The following MCTP2 variants were observed in gnomAD, a reference collection of about 807,000 sequenced individuals.
MCTP2 encodes the protein multiple C2 and transmembrane domain containing 2, also known as multiple C2 and transmembrane domain-containing protein 2.
MCTP2 carries 132 observed loss-of-function variants against 111.6 expected under a neutral mutation model. That is an observed-to-expected ratio of 1.18 (90% confidence interval 1.03 to 1.37). The LOEUF is 1.37. Ranked by LOEUF, MCTP2 falls within the 40% of genes most tolerant of loss-of-function variation. The probability of loss-of-function intolerance (pLI) is 0.00; values close to 1 mark genes in which losing one functional copy is unlikely to be tolerated. For synonymous variants in MCTP2, 395 were observed against 387.7 expected, an observed-to-expected ratio of 1.02 and a Z score of -0.22; for missense variants, 1,183 against 1,067.9, an observed-to-expected ratio of 1.11 and a Z score of -1.50.
At chr15:94,429,368 A>C (rs1369219227) in intron 17 of MCTP2, among the ~76,000 whole-genome samples, 1 of 152,140 alleles carries the variant, frequency 6.6e-6, no homozygotes, top group African/African-American at 2.4e-5. Context: ...TCTTCATTGT[A>C]ATAAACCCTT....
intron 20 of MCTP2, among the ~76,000 whole-genome samples, chr15:94,465,203 T>G (rs2073163133): frequency 6.6e-6 from 1 of 152,114 alleles, no homozygotes; most frequent in South Asian, 2.1e-4. Flanking sequence ...TATTTCTTGC[T>G]AACACAGTTT....
rs139043895 is a variant in MCTP2 at position 94,477,090 on chromosome 15, G to C, written c.2568+297G>C. On this transcript the variant is annotated intron_variant, in intron 22 of 22. Coordinates refer to ENST00000357742, the MANE Select transcript of MCTP2 (RefSeq NM_001385001.1). Reference sequence around the variant, plus strand: ...TTGCTTGCCTCCCTAAAGAGGATAAGATGGGCTCAGTGAGTAGAATTGCAT... The same window carrying C: ...TTGCTTGCCTCCCTAAAGAGGATAACATGGGCTCAGTGAGTAGAATTGCAT... 5.3e-5 allele frequency among the ~76,000 whole-genome samples: 8 copies of C among 152,352 alleles called. No homozygotes were observed. The East Asian group carries it at 1.5e-3, about 29-fold the overall frequency.
intron 1 of MCTP2, among the ~76,000 whole-genome samples, chr15:94,258,353 C>T (rs188334601): frequency 1.3e-5 from 2 of 152,108 alleles, no homozygotes; most frequent in Admixed American, 1.3e-4. Context: ...TGAGTGACTC[C>T]TCTCTCAAAG....
intron 2 of MCTP2, among the ~76,000 whole-genome samples, chr15:94,313,571 G>A (rs1049580079): frequency 1.3e-5 from 2 of 152,018 alleles, no homozygotes; most frequent in African/African-American, 4.8e-5. Flanking sequence ...CGTTGTTACA[G>A]GTGCCTGTAA....
intron 16 of MCTP2, 88 bp downstream of exon 16, chr15:94,400,083 G>A: frequency 1.7e-6 from 2 of 1,177,192 alleles, no homozygotes; most frequent in Non-Finnish European, 2.5e-6. Flanking sequence ...TTTCTTCCTT[G>A]AAACTTTTCC....
intron 17 of MCTP2, among the ~76,000 whole-genome samples, chr15:94,419,537 A>G (rs1459074074): frequency 6.6e-6 from 1 of 152,058 alleles, no homozygotes; most frequent in Admixed American, 6.6e-5. Context: ...CCATTCTTCC[A>G]TTATTGGTGT....
intron 1 of MCTP2, among the ~76,000 whole-genome samples, chr15:94,261,977 T>G (rs1469057296): frequency 1.3e-5 from 2 of 152,216 alleles, no homozygotes; most frequent in East Asian, 3.8e-4. Context: ...TCTTGTATAT[T>G]GCAATTAATC....
At chr15:94,392,358 C>T (rs142328083) in intron 14 of MCTP2, among the ~76,000 whole-genome samples, 273 of 148,804 alleles carry the variant, frequency 1.8e-3, no homozygotes, top group African/African-American at 6.5e-3. Context: ...TGTGACCAAG[C>T]GAGACTCCAT....
intron 20 of MCTP2, among the ~76,000 whole-genome samples, chr15:94,463,492 AGAT>A (rs950446500): frequency 2.0e-5 from 3 of 152,144 alleles, no homozygotes; most frequent in Non-Finnish European, 4.4e-5. Context: ...TTTTATATGA[AGAT>A]TATTATTCTG....
intron 4 of MCTP2, among the ~76,000 whole-genome samples, chr15:94,323,214 A>G (rs1202264412): frequency 6.6e-6 from 1 of 152,206 alleles, no homozygotes; most frequent in Non-Finnish European, 1.5e-5. Flanking sequence ...TGGCTTCAGA[A>G]CAATGGGCAG....
At chr15:94,426,062 G>C (rs537670814) in intron 17 of MCTP2, among the ~76,000 whole-genome samples, 1 of 151,604 alleles carries the variant, frequency 6.6e-6, no homozygotes, top group Non-Finnish European at 1.5e-5. Context: ...TTACTCCTGT[G>C]CCTGCCTTTC....
intron 14 of MCTP2, among the ~76,000 whole-genome samples, chr15:94,388,216 G>C (rs991917980): frequency 2.6e-5 from 4 of 152,206 alleles, no homozygotes; most frequent in African/African-American, 9.7e-5. Flanking sequence ...AATAACCCCT[G>C]ATCTGCAAGG....
chr15:94,240,584 A>C (rs559752503), intron 1 of MCTP2, among the ~76,000 whole-genome samples: 2 of 152,298 alleles, frequency 1.3e-5, no homozygotes, highest in East Asian at 3.9e-4. Context: ...GAGGCCTTAA[A>C]ACCACATCCA....
intron 14 of MCTP2, among the ~76,000 whole-genome samples, chr15:94,394,982 A>G (rs372263329): frequency 1.3e-5 from 2 of 152,164 alleles, no homozygotes; most frequent in African/African-American, 4.8e-5. Context: ...GATGAATTCC[A>G]TGCTGCCTCT....
chr15:94,296,340 C>A (rs1378597), intron 1 of MCTP2, among the ~76,000 whole-genome samples: 45,944 of 152,058 alleles, frequency 0.3, 7,264 homozygotes, highest in East Asian at 0.42. Context: ...AAGTTGTAAA[C>A]TATTTTAAAC....
intron 20 of MCTP2, among the ~76,000 whole-genome samples, chr15:94,467,338 CTTTAAAAAAAA>C (rs1435277492): frequency 6.6e-6 from 1 of 152,024 alleles, no homozygotes; most frequent in African/African-American, 2.4e-5. Context: ...TGTGTCTCCA[CTTTAAAAAAAA>C]TTTGAAAGGG....
chr15:94,478,157 C>T (rs1047893174), intron 22 of MCTP2, among the ~76,000 whole-genome samples: 8 of 152,198 alleles, frequency 5.3e-5, no homozygotes, highest in African/African-American at 1.7e-4. Flanking sequence ...ATATTTGCAA[C>T]GTACCATCAC....
intron 1 of MCTP2, among the ~76,000 whole-genome samples, chr15:94,261,453 G>A (rs1328257119): frequency 6.6e-6 from 1 of 152,146 alleles, no homozygotes; most frequent in African/African-American, 2.4e-5. Flanking sequence ...AAAACCAACC[G>A]GTGGCCAGGC....
chr15:94,452,735 C>T (rs1323699967), intron 19 of MCTP2, among the ~76,000 whole-genome samples: 1 of 152,182 alleles, frequency 6.6e-6, no homozygotes, highest in East Asian at 1.9e-4. Context: ...ATTAATGAAG[C>T]ATCCAAGCTA....
Sources: gnomAD v4.1 joint callset for allele counts (sites outside exome capture counted in the v4.1 genomes callset) on GRCh38, gnomAD v4.1.1 for gene constraint, MANE v1.5 for transcripts, NCBI Gene and HGNC (gene_info 2026-07-23, HGNC 2026-07-21) for gene names.